The following GBE1 variants were observed in gnomAD, a reference collection of about 807,000 sequenced individuals.
GBE1 encodes 1,4-alpha-glucan-branching enzyme.
Under a neutral mutation model 88.8 loss-of-function variants are expected in GBE1, and 70 were observed. That is an observed-to-expected ratio of 0.79 (90% CI 0.65 to 0.96). The LOEUF (loss-of-function observed/expected upper bound fraction) is 0.96, where lower values mean the gene tolerates loss of function less well. Among genes scored for constraint, GBE1 ranks in the 40% least tolerant of loss-of-function variants. The pLI, the probability that GBE1 is intolerant of heterozygous loss-of-function variation, is 0.00. For missense variants in GBE1, 872 were observed against 871.0 expected, an observed-to-expected ratio of 1.00 and a Z score of -0.01; for synonymous variants, 284 against 300.1, an observed-to-expected ratio of 0.95 and a Z score of 0.56.
chr3:81,561,299 G>A (rs1370529848), intron 12 of GBE1, among the ~76,000 whole-genome samples: 1 of 151,928 alleles, frequency 6.6e-6, no homozygotes, highest in Non-Finnish European at 1.5e-5. Flanking sequence ...TTGTCTCATG[G>A]ACTAAAACAA....
chr3:81,574,714 T>C (rs1703621530), intron 12 of GBE1, among the ~76,000 whole-genome samples: 1 of 152,172 alleles, frequency 6.6e-6, no homozygotes, highest in African/African-American at 2.4e-5. Context: ...TGTCTCTGAG[T>C]CGAAGTTTTA....
chr3:81,508,551 A>C (rs1177633564), intron 14 of GBE1, among the ~76,000 whole-genome samples: 1 of 152,180 alleles, frequency 6.6e-6, no homozygotes, highest in African/African-American at 2.4e-5. Context: ...TTTTTTTAAA[A>C]AAAATTGTGC....
chr3:81,665,917 T>C (rs560622608), intron 3 of GBE1, among the ~76,000 whole-genome samples: 19 of 152,198 alleles, frequency 1.2e-4, no homozygotes, highest in African/African-American at 4.1e-4. Context: ...TATAAAATTA[T>C]GTTAGCTATT....
intron 7 of GBE1, among the ~76,000 whole-genome samples, chr3:81,642,223 GT>G (rs1704692428): frequency 6.6e-6 from 1 of 151,946 alleles, no homozygotes; most frequent in Admixed American, 6.6e-5. Context: ...TATAACAATA[GT>G]GTTTACCACA....
rs570551733 is a variant in GBE1, at chr3:81,544,137, T to C, written c.1619-7042A>G. 2.6e-4 allele frequency among the ~76,000 whole-genome samples: 39 copies of C among 152,196 alleles called. No homozygotes were observed. The South Asian group carries it at 5.4e-3, about 21-fold the overall frequency. On this transcript the variant is annotated intron_variant, in intron 12 of 15. Coordinates refer to ENST00000429644, the MANE Select transcript of GBE1 (RefSeq NM_000158.4). The stretch of plus-strand genomic sequence containing the variant: ...ATTAGAATGCCAGCAACTAGAAGAA[T>C]GGGTCACAAGTAAGGGCTTTTAAGC...
chr3:81,604,440 C>A (rs969593965), intron 7 of GBE1, among the ~76,000 whole-genome samples: 2 of 151,682 alleles, frequency 1.3e-5, no homozygotes, highest in Admixed American at 6.6e-5. Flanking sequence ...GAGTGCACCA[C>A]GACGCCAGGC....
intron 12 of GBE1, among the ~76,000 whole-genome samples, chr3:81,574,706 T>C (rs1217792397): frequency 6.6e-6 from 1 of 152,180 alleles, no homozygotes; most frequent in Non-Finnish European, 1.5e-5. Context: ...TCCCTATATG[T>C]CTCTGAGTCG....
At chr3:81,629,179 TC>T (rs1704469498) in intron 7 of GBE1, among the ~76,000 whole-genome samples, 1 of 53,222 alleles carries the variant, frequency 1.9e-5, no homozygotes, top group Non-Finnish European at 3.4e-5. Flanking sequence ...CCCTCCCCCC[TC>T]CCCCGACCCC....
intron 14 of GBE1, among the ~76,000 whole-genome samples, chr3:81,507,676 G>GTA (rs531312110): frequency 1.6e-4 from 23 of 145,038 alleles, no homozygotes; most frequent in East Asian, 1.1e-3. Flanking sequence ...ATGTGTGTGT[G>GTA]TATATATATA....
At position 81,536,919 on chromosome 3, in the gene GBE1, C is replaced by T. The variant is rs1703082992; in HGVS notation, c.1795G>A (p.Ala599Thr). ...RLEERYGWLAAPQAYVSEKHE... is the reference protein window; with the variant it reads ...RLEERYGWLATPQAYVSEKHE... ...CAGAGTGAAGAGCTTACCTGTGGAG[C>T]TGCAAGCCAACCATATCTTTCTTCC... Residue 599 changes from alanine to threonine, a missense_variant, in exon 13 of 16, where the codon GCT (alanine) becomes ACT (threonine). By Grantham distance (58) the Ala-to-Thr change is moderately conservative. Transcript: ENST00000429644. 1.3e-6 allele frequency: 2 copies of T among 1,587,790 alleles called. No individual in the cohort carries two copies. The highest frequency in any genetic ancestry group is 1.7e-6 in the Non-Finnish European group (2 of 1,168,968).
intron 7 of GBE1, among the ~76,000 whole-genome samples, chr3:81,610,026 G>T (rs771507757): frequency 1.7e-4 from 26 of 152,132 alleles, no homozygotes; most frequent in Non-Finnish European, 3.5e-4. Flanking sequence ...AATGCAATAG[G>T]CACAGAAACA....
At chr3:81,746,367 A>G (rs148041434) in intron 1 of GBE1, among the ~76,000 whole-genome samples, 5 of 152,226 alleles carry the variant, frequency 3.3e-5, no homozygotes, top group Admixed American at 1.3e-4. Flanking sequence ...GGCTCAAGCA[A>G]TCCTCACACC....
At chr3:81,664,685 G>A (rs1212634059) in intron 3 of GBE1, among the ~76,000 whole-genome samples, 2 of 152,158 alleles carry the variant, frequency 1.3e-5, no homozygotes, top group Non-Finnish European at 1.5e-5. Context: ...TCATGAGATT[G>A]CTTATAGTTC....
At chr3:81,511,805 C>T (rs967235305) in intron 14 of GBE1, among the ~76,000 whole-genome samples, 2 of 151,386 alleles carry the variant, frequency 1.3e-5, no homozygotes, top group Non-Finnish European at 2.9e-5. Flanking sequence ...AACAGAACTA[C>T]CATTCAACCC....
intron 12 of GBE1, among the ~76,000 whole-genome samples, chr3:81,556,830 T>C (rs1278870764): frequency 6.6e-6 from 1 of 152,048 alleles, no homozygotes; most frequent in Admixed American, 6.6e-5. Flanking sequence ...CAATGATGTG[T>C]CATACAGTGG....
At chr3:81,535,931 G>A (rs1237699550) in intron 13 of GBE1, among the ~76,000 whole-genome samples, 1 of 151,730 alleles carries the variant, frequency 6.6e-6, no homozygotes, top group Non-Finnish European at 1.5e-5. Flanking sequence ...TTTACAGTTG[G>A]CTGTGAAAAG....
At chr3:81,638,631 C>T (rs1021963323) in intron 7 of GBE1, among the ~76,000 whole-genome samples, 1 of 152,162 alleles carries the variant, frequency 6.6e-6, no homozygotes, top group African/African-American at 2.4e-5. Context: ...CTGTGATGAA[C>T]TGTCATTACT....
intron 14 of GBE1, among the ~76,000 whole-genome samples, chr3:81,532,582 T>A (rs1703024200): frequency 6.6e-6 from 1 of 152,098 alleles, no homozygotes; most frequent in Non-Finnish European, 1.5e-5. Context: ...TCTTTCCTCA[T>A]GAAAGCTCCC....
chr3:81,695,870 C>T lies in GBE1; in HGVS notation c.313+9574G>A, dbSNP rs956760288. The stretch of plus-strand genomic sequence containing the variant: ...TGATCGCTAAATAATACATCTGAAG[C>T]GATTCCGCCACTGATTTACAAGCAA... On this transcript the variant is annotated intron_variant, in intron 2 of 15. Coordinates refer to ENST00000429644, the MANE Select transcript of GBE1 (RefSeq NM_000158.4). Among the ~76,000 whole-genome samples, 28 of 152,178 alleles carry T rather than the reference C, an allele frequency of 1.8e-4. No homozygotes were observed. The East Asian group carries it at 2.7e-3, about 15-fold the overall frequency.
Sources: gnomAD v4.1 joint callset for allele counts (sites outside exome capture counted in the v4.1 genomes callset) on GRCh38, gnomAD v4.1.1 for gene constraint, MANE v1.5 for transcripts, NCBI Gene and HGNC (gene_info 2026-07-23, HGNC 2026-07-21) for gene names.